ABCC11: variants seen among roughly 807,000 people sequenced by gnomAD.
ABCC11 encodes the protein ATP-binding cassette sub-family C member 11.
In ABCC11, 135 loss-of-function variants were observed where a neutral mutation model predicts 149.3. The ratio of observed to expected loss-of-function variants is 0.90; its 90% CI spans 0.79 to 1.04. The LOEUF is 1.04. ABCC11 is among the 50% of genes least tolerant of loss of function. The probability of loss-of-function intolerance (pLI) is 0.00; values close to 1 mark genes in which losing one functional copy is unlikely to be tolerated. For missense variants in ABCC11, 1,680 were observed against 1,722.1 expected (o/e 0.98, Z 0.43); for synonymous variants, 665 against 671.4 (o/e 0.99, Z 0.15).
chr16:48,188,212 T>C (rs1966842255), intron 20 of ABCC11, among the ~76,000 whole-genome samples: 1 of 152,222 alleles, frequency 6.6e-6, no homozygotes, highest in Non-Finnish European at 1.5e-5. Context: ...GCTGCAACAC[T>C]GCCAGAACTG....
Position 48,216,106 on chromosome 16 carries a change from G to T in ABCC11, c.951+8C>A. The T allele has an allele frequency of 6.2e-7, 1 of 1,613,100 alleles. No homozygotes were observed. The highest frequency in any genetic ancestry group is 8.5e-7 in the Non-Finnish European group (1 of 1,179,546). On this transcript the variant is annotated splice_region_variant and intron_variant, in intron 7 of 29. Transcript: ENST00000356608. ...CAGCATCAAATGGGTGACAGAGAAA[G>T]ACATTACCGCCAGTGGGAAAACCAG...
At chr16:48,188,275 C>T (rs752012808) in intron 20 of ABCC11, among the ~76,000 whole-genome samples, 12 of 152,154 alleles carry the variant, frequency 7.9e-5, no homozygotes, top group Non-Finnish European at 1.5e-4. Flanking sequence ...ACTGGCTTGC[C>T]CTTGAATTCT....
Position 48,178,694 on chromosome 16 carries a change from G to T in ABCC11, c.3259-8C>A. 2 of 1,614,022 alleles carry T rather than the reference G, an allele frequency of 1.2e-6. No homozygotes were observed. The highest frequency in any genetic ancestry group is 2.2e-5 in the South Asian group (2 of 91,078). On this transcript the variant is annotated splice_region_variant and splice_polypyrimidine_tract_variant and intron_variant, in intron 23 of 29. Transcript: ENST00000356608. ...CTGGAAGCTGGACGCCAGCTAGAAG[G>T]AAGGAGAAGTATCGGGGGTCAAGAG...
At chr16:48,232,247 A>T in intron 1 of ABCC11, 1 of 251,336 alleles carries the variant, frequency 4.0e-6, no homozygotes, top group East Asian at 8.6e-5. Flanking sequence ...TGCTCATAAA[A>T]TCAGTCTTCT....
At chr16:48,176,014 G>A (rs1966045475) in intron 25 of ABCC11, 1 of 152,220 alleles carries the variant, frequency 6.6e-6, no homozygotes, top group Non-Finnish European at 1.5e-5. Flanking sequence ...TCGGTTCCCA[G>A]GCACATAGTA....
At chr16:48,238,856 G>C (rs1358977826) in intron 1 of ABCC11, among the ~76,000 whole-genome samples, 1 of 140,508 alleles carries the variant, frequency 7.1e-6, no homozygotes, top group Admixed American at 7.6e-5. Flanking sequence ...AGAATGGCAT[G>C]AACCTGGGAG....
rs1403889221 is a variant in ABCC11 at position 48,198,042 on chromosome 16, A to G, written c.2243T>C (p.Ile748Thr). The G allele has an allele frequency of 2.5e-6, 4 of 1,614,084 alleles. No individual in the cohort carries two copies. The highest frequency in any genetic ancestry group is 2.7e-5 in the African/African-American group (2 of 74,936). Residue 748 changes from isoleucine to threonine, a missense_variant, in exon 17 of 30, where the codon ATA (isoleucine) becomes ACA (threonine). By Grantham distance (89) the Ile-to-Thr change is moderately conservative. Coordinates refer to ENST00000356608, the MANE Select transcript of ABCC11 (RefSeq NM_001370497.1). ...TSDMLQDTAK[I>T]AEKPKVESQA... The stretch of plus-strand genomic sequence containing the variant: ...ACTTTCTACCTTTGGCTTCTCTGCT[A>G]TCTTTGCTGTGTCCTGCAACATGTC...
intron 11 of ABCC11, chr16:48,210,646 G>A (rs1228216871): frequency 2.7e-6 from 1 of 370,546 alleles, no homozygotes; most frequent in African/African-American, 2.0e-5. Context: ...ATAAATGTTA[G>A]CTGGGTCTCC....
chr16:48,181,035 G>A (rs538970496), intron 23 of ABCC11, among the ~76,000 whole-genome samples: 1 of 152,326 alleles, frequency 6.6e-6, no homozygotes, highest in African/African-American at 2.4e-5. Context: ...AGTGCACCCT[G>A]GGAGAGATGA....
intron 1 of ABCC11, among the ~76,000 whole-genome samples, chr16:48,244,908 T>C (rs1209618214): frequency 1.3e-5 from 2 of 152,226 alleles, no homozygotes; most frequent in African/African-American, 4.8e-5. Flanking sequence ...CCGCAATTCC[T>C]CGCCCTCGGT....
intron 26 of ABCC11, among the ~76,000 whole-genome samples, chr16:48,171,271 G>A (rs1310755985): frequency 1.3e-5 from 2 of 152,184 alleles, no homozygotes; most frequent in Non-Finnish European, 2.9e-5. Context: ...TCGACATACA[G>A]CAATCCCTGG....
Position 48,205,469 on chromosome 16 carries a change from G to C in ABCC11, c.1749C>G (p.Ile583Met), listed in dbSNP as rs551691924. ...TGTTCTCCCTGATGTTCCCGCTGACGATCCAGGCCTGCTGGGGGACATAGG... is the reference window on the plus strand; with the variant it reads ...TGTTCTCCCTGATGTTCCCGCTGACCATCCAGGCCTGCTGGGGGACATAGG... ...SLAYVPQQAW[I>M]VSGNIRENIL... The change falls in exon 13 of 30, where the codon ATC becomes ATG. Residue 583 changes from isoleucine (I) to methionine (M), a missense_variant. Physicochemically the swap from Ile to Met is conservative, Grantham distance 10. Transcript: ENST00000356608. 2 of 1,614,094 alleles carry C rather than the reference G, an allele frequency of 1.2e-6. No homozygotes were observed. Among genetic ancestry groups the C allele is most frequent in the Non-Finnish European group, 1.7e-6 (2 of 1,180,012 alleles).
intron 20 of ABCC11, among the ~76,000 whole-genome samples, chr16:48,188,976 A>G (rs755172357): frequency 6.6e-6 from 1 of 152,234 alleles, no homozygotes; most frequent in Non-Finnish European, 1.5e-5. Context: ...AGCTGCTCTC[A>G]TCGCAAATGC....
intron 1 of ABCC11, among the ~76,000 whole-genome samples, chr16:48,238,182 G>T (rs1295347216): frequency 6.6e-6 from 1 of 152,178 alleles, no homozygotes; most frequent in Non-Finnish European, 1.5e-5. Context: ...ATGAAAGAAG[G>T]TGGGATCCTG....
In ABCC11 at chr16:48,222,974, C is replaced by T. The variant is rs1327714960; in HGVS notation, c.544-143G>A. On this transcript the variant is annotated intron_variant, in intron 5 of 29. Transcript: ENST00000356608. ...AAACTGACTCAAGTACAATCCTGCC[C>T]TCAAGAAGGTTAAGGTCCAGTTGGA... 1.1e-5 allele frequency: 8 copies of T among 735,104 alleles called. No homozygotes were observed. The East Asian group carries it at 2.2e-4, about 20-fold the overall frequency. 45.5% of individuals were successfully genotyped at this position (735,104 alleles called of 1,614,324 possible).
chr16:48,225,741 A>T (rs1970030177), intron 4 of ABCC11, among the ~76,000 whole-genome samples: 1 of 152,230 alleles, frequency 6.6e-6, no homozygotes, highest in South Asian at 2.1e-4. Context: ...CTCCTTCATT[A>T]TCAAGATCTC....
chr16:48,239,284 T>C (rs112904913), intron 1 of ABCC11, among the ~76,000 whole-genome samples: 19,813 of 151,876 alleles, frequency 0.13, 1,579 homozygotes, highest in African/African-American at 0.23. Context: ...CTAGAAGGGC[T>C]GGGCGAGGTG....
In ABCC11 at chr16:48,167,015, G is replaced by T; in HGVS notation, c.*259C>A. 1 of 474,684 alleles carries T rather than the reference G, an allele frequency of 2.1e-6. No homozygotes were observed. The highest frequency in any genetic ancestry group is 2.9e-5 in the South Asian group (1 of 34,024). 29.4% of individuals were successfully genotyped at this position (474,684 alleles called of 1,614,324 possible). ...TTTTACCTTATTATAAAATTATTCAGCATGTAAGTTAAAAGGAGAACCACA... is the reference window on the plus strand; with the variant it reads ...TTTTACCTTATTATAAAATTATTCATCATGTAAGTTAAAAGGAGAACCACA... On this transcript the variant is annotated 3_prime_UTR_variant, in exon 30 of 30. Coordinates refer to ENST00000356608, the MANE Select transcript of ABCC11 (RefSeq NM_001370497.1).
At chr16:48,218,763 G>A (rs760393342) in intron 6 of ABCC11, among the ~76,000 whole-genome samples, 13 of 152,172 alleles carry the variant, frequency 8.5e-5, no homozygotes, top group Non-Finnish European at 1.6e-4. Flanking sequence ...CATGTAAGAT[G>A]TGCCTTTCAC....
Sources: allele counts gnomAD v4.1 joint callset (sites outside exome capture counted in the v4.1 genomes callset), GRCh38; gene constraint gnomAD v4.1.1; transcripts MANE v1.5; gene names NCBI Gene and HGNC (gene_info 2026-07-23, HGNC 2026-07-21).